Variants in DDX18 observed in about 807,000 individuals in gnomAD.
The protein encoded by DDX18 is ATP-dependent RNA helicase DDX18.
DDX18 carries 23 observed loss-of-function variants against 73.5 expected under a neutral mutation model. That is an observed-to-expected ratio of 0.31 (90% CI 0.23 to 0.44). DDX18 has a LOEUF of 0.44. Among genes scored for constraint, DDX18 ranks in the 20% least tolerant of loss-of-function variants. The probability of loss-of-function intolerance (pLI) is 1.00; values close to 1 mark genes in which losing one functional copy is unlikely to be tolerated. For missense variants in DDX18, 753 were observed against 792.9 expected, an observed-to-expected ratio of 0.95 and a Z score of 0.60; for synonymous variants, 268 against 282.7, an observed-to-expected ratio of 0.95 and a Z score of 0.52.
Position 117,826,373 on chromosome 2 carries a change from A to G in DDX18, c.1626A>G (p.Lys542=). 2 of 1,613,740 alleles carry G rather than the reference A, an allele frequency of 1.2e-6. No homozygotes were observed. Among genetic ancestry groups the G allele is most frequent in the Non-Finnish European group, 1.7e-6 (2 of 1,179,838 alleles). ...AATTGGGTTTTCTTCGCTACTTGAAACAATCCAAGGTAAAGATCTGTACTT... is the reference window on the plus strand; with the variant it reads ...AATTGGGTTTTCTTCGCTACTTGAAGCAATCCAAGGTAAAGATCTGTACTT... ...PEELGFLRYL[K]QSKVPLSEFD... Residue 542 remains lysine, a synonymous_variant, in exon 11 of 14, where the codon AAA becomes AAG. Transcript: ENST00000263239.
chr2:117,819,421 T>A (rs945064473), intron 2 of DDX18, among the ~76,000 whole-genome samples: 1 of 152,218 alleles, frequency 6.6e-6, no homozygotes, highest in South Asian at 2.1e-4. Flanking sequence ...TTATACTGTT[T>A]AGTTGAACAA....
intron 13 of DDX18, 38 bp downstream of exon 13, chr2:117,829,504 G>A: frequency 6.3e-7 from 1 of 1,579,390 alleles, no homozygotes; most frequent in Non-Finnish European, 8.6e-7. Context: ...TGTGACTAAG[G>A]AACAAAAGCT....
chr2:117,821,364 C>G, intron 4 of DDX18, 68 bp downstream of exon 4: 1 of 1,516,608 alleles, frequency 6.6e-7, no homozygotes, highest in Non-Finnish European at 8.9e-7. Context: ...AAAGAACATA[C>G]CAGTATATTC....
chr2:117,832,178 GACAAAA>G lies in DDX18; in HGVS notation c.*1460_*1465del, dbSNP rs1309146681. ...TTTTCAGAAATAATGTTTTTTAAAA[GACAAAA>G]ACAAAGGGAAGAATATTTAATTACT... On this transcript the variant is annotated 3_prime_UTR_variant, in exon 14 of 14. Transcript: ENST00000263239. The G allele has an allele frequency of 1.3e-5, 2 of 151,826 alleles. No individual in the cohort carries two copies. The highest frequency in any genetic ancestry group is 4.8e-5 in the African/African-American group (2 of 41,308). The allele number at this position is 151,826 out of a possible 1,614,324, so 9.4% of individuals were successfully genotyped here. A position where few individuals can be genotyped will look rare whatever the true frequency, so the allele number is the denominator to read the frequency against.
chr2:117,815,756 T>C (rs1385373406), intron 1 of DDX18: 2 of 152,242 alleles, frequency 1.3e-5, no homozygotes, highest in African/African-American at 4.8e-5. Flanking sequence ...TGGTGTTTTA[T>C]CTTTTTCAGT....
At position 117,822,367 on chromosome 2, in the gene DDX18, A is replaced by C. The variant is rs1365224740; in HGVS notation, c.1066+106A>C. 2.0e-5 allele frequency: 16 copies of C among 806,260 alleles called. No individual in the cohort carries two copies. In the South Asian group the frequency reaches 2.1e-4, roughly 10 times the overall value. 49.9% of individuals were successfully genotyped at this position (806,260 alleles called of 1,614,324 possible). On this transcript the variant is annotated intron_variant, in intron 7 of 13. Coordinates refer to ENST00000263239, the MANE Select transcript of DDX18 (RefSeq NM_006773.4). ...TAATGCCAGAACTTTACCATAGCCA[A>C]GTGAGGTAGTTGTGCCAATTAACCC...
chr2:117,818,445 TC>T (rs1322007736), intron 2 of DDX18, among the ~76,000 whole-genome samples: 1 of 152,222 alleles, frequency 6.6e-6, no homozygotes, highest in Non-Finnish European at 1.5e-5. Context: ...AGTTGGAACA[TC>T]CTATTCATGT....
In DDX18 at chr2:117,829,482, A is replaced by G. The variant is rs747166593; in HGVS notation, c.1870+16A>G. The G allele has an allele frequency of 1.9e-6, 3 of 1,600,472 alleles. No homozygotes were observed. Among genetic ancestry groups the G allele is most frequent in the East Asian group, 2.2e-5 (1 of 44,776 alleles). On this transcript the variant is annotated intron_variant, in intron 13 of 13. Coordinates refer to ENST00000263239, the MANE Select transcript of DDX18 (RefSeq NM_006773.4). The stretch of plus-strand genomic sequence containing the variant: ...GTTGATCTGAGTATCCTTTTCTTTA[A>G]TGAAGTTATCCTGTGACTAAGGAAC...
rs528823861 is a variant in DDX18, at chr2:117,824,662, G to C, written c.1160G>C (p.Gly387Ala). 5 of 1,493,880 alleles carry C rather than the reference G, an allele frequency of 3.3e-6. No individual in the cohort carries two copies. In the South Asian group the frequency reaches 7.2e-5, roughly 21 times the overall value. 92.5% of individuals were successfully genotyped at this position (1,493,880 alleles called of 1,614,324 possible). ...ISLKKEPLYV[G>A]VDDDKANATV... ...CTGAAAAAGGAGCCATTGTATGTTG[G>C]CGTTGATGATGATAAAGCGAATGCA... Residue 387 changes from glycine (G) to alanine (A), a missense_variant, in exon 8 of 14, where the codon GGC becomes GCC. By Grantham distance (60) the Gly-to-Ala change is moderately conservative (BLOSUM62 0). This residue lies in a region of DDX18 where 402 missense variants were observed against 419.4 expected (regional missense o/e 0.96). Transcript: ENST00000263239.
chr2:117,824,415 G>C (rs574044794), intron 7 of DDX18, 154 bp from the exon 8 acceptor site: 39 of 665,392 alleles, frequency 5.9e-5, no homozygotes, highest in Admixed American at 4.3e-4. Flanking sequence ...AGTGTTTCAT[G>C]ATATACCCTT....
At chr2:117,824,456 A>G in intron 7 of DDX18, 113 bp from the exon 8 acceptor site, 2 of 1,010,870 alleles carry the variant, frequency 2.0e-6, no homozygotes, top group Non-Finnish European at 2.6e-6. Flanking sequence ...TAGATTCTGT[A>G]GAAACATCAT....
At position 117,830,646 on chromosome 2, in the gene DDX18, A is replaced by C. The variant is rs1481486822; in HGVS notation, c.1935A>C (p.Lys645Asn). 6 of 1,613,896 alleles carry C rather than the reference A, an allele frequency of 3.7e-6. No individual in the cohort carries two copies. The South Asian group carries it at 6.6e-5, about 18-fold the overall frequency. ...GTGGTGGTGGATTTGGCTACCAGAA[A>C]ACCAAGAAAGTTGAGAAATCCAAAA... ...RGGGGGFGYQ[K>N]TKKVEKSKIF... is the part of the protein sequence containing the mutation. Residue 645 changes from lysine to asparagine, a missense_variant, in exon 14 of 14, where the codon AAA (lysine) becomes AAC (asparagine). Around this residue, in one of 3 missense-constraint regions of DDX18, gnomAD observed 402 missense variants for 419.4 expected, o/e 0.96. Coordinates refer to ENST00000263239, the MANE Select transcript of DDX18 (RefSeq NM_006773.4).
chr2:117,830,446 T>C (rs1680002693), intron 13 of DDX18, 136 bp from the exon 14 acceptor site: 2 of 1,095,630 alleles, frequency 1.8e-6, no homozygotes, highest in Non-Finnish European at 2.5e-6. Flanking sequence ...TGCATAGGCT[T>C]ATGTTCCCAC....
intron 9 of DDX18, 135 bp downstream of exon 9, chr2:117,825,236 G>T: frequency 7.8e-7 from 1 of 1,287,018 alleles, no homozygotes; most frequent in African/African-American, 1.5e-5. Context: ...TGGATCCTGT[G>T]TGGGGGAGCG....
At position 117,826,449 on chromosome 2, in the gene DDX18, A is replaced by G. The variant is rs1485564612; in HGVS notation, c.1635+67A>G. 2.7e-6 allele frequency: 4 copies of G among 1,462,500 alleles called. No homozygotes were observed. The South Asian group carries it at 3.6e-5, about 13-fold the overall frequency. 90.6% of individuals were successfully genotyped at this position (1,462,500 alleles called of 1,614,324 possible). The stretch of plus-strand genomic sequence containing the variant: ...GATTGTTAGCAAGCAACATTTCTAC[A>G]TGTGTCAGAGGAGTCTCGAGTCTGG... On this transcript the variant is annotated intron_variant, in intron 11 of 13. Coordinates refer to ENST00000263239, the MANE Select transcript of DDX18 (RefSeq NM_006773.4).
At chr2:117,825,642 A>G in intron 10 of DDX18, 43 bp downstream of exon 10, 1 of 1,599,690 alleles carries the variant, frequency 6.3e-7, no homozygotes, top group Non-Finnish European at 8.6e-7. Flanking sequence ...ACTCTGCATT[A>G]AAAGTTCACT....
chr2:117,825,932 A>G, intron 10 of DDX18: 1 of 383,060 alleles, frequency 2.6e-6, no homozygotes, highest in Non-Finnish European at 4.7e-6. Context: ...AGCTTCATTG[A>G]GAAGTATTTT....
rs778806271 is a variant in DDX18 at position 117,829,374 on chromosome 2, A to G, written c.1778A>G (p.His593Arg). Reference protein sequence around the residue: ...YKSYIRAYDSHSLKQIFNVNN... With the variant: ...YKSYIRAYDSRSLKQIFNVNN... Reference sequence around the variant, plus strand: ...TCATACATACGAGCCTATGATTCCCATTCTCTGAAACAGATCTTTAATGTT... The same window carrying G: ...TCATACATACGAGCCTATGATTCCCGTTCTCTGAAACAGATCTTTAATGTT... The change falls in exon 13 of 14, where the codon CAT becomes CGT. Residue 593 changes from histidine (H) to arginine (R), a missense_variant. By Grantham distance (29) the His-to-Arg change is conservative. Transcript: ENST00000263239. 1.9e-6 allele frequency: 3 copies of G among 1,614,158 alleles called. No individual in the cohort carries two copies. The highest frequency in any genetic ancestry group is 2.5e-6 in the Non-Finnish European group (3 of 1,180,004).
rs761959897 is a variant in DDX18 at position 117,821,234 on chromosome 2, A to C, written c.588A>C (p.Glu196Asp). The C allele has an allele frequency of 1.2e-6, 2 of 1,612,250 alleles. No homozygotes were observed. Among genetic ancestry groups the C allele is most frequent in the Non-Finnish European group, 1.7e-6 (2 of 1,179,258 alleles). Reference sequence around the variant, plus strand: ...AAAACACTCTGAAGGCAATAAAAGAAATGGGTTTTACAAACATGACTGAAA... The same window carrying C: ...AAAACACTCTGAAGGCAATAAAAGACATGGGTTTTACAAACATGACTGAAA... ...VNENTLKAIKEMGFTNMTEIQ... is the reference protein window; with the variant it reads ...VNENTLKAIKDMGFTNMTEIQ... The change falls in exon 4 of 14, where the codon GAA becomes GAC. Residue 196 changes from glutamate to aspartate, a missense_variant. By Grantham distance (45) the Glu-to-Asp change is conservative. Coordinates refer to ENST00000263239, the MANE Select transcript of DDX18 (RefSeq NM_006773.4).
Sources: gnomAD v4.1 joint callset for allele counts (sites outside exome capture counted in the v4.1 genomes callset) on GRCh38, gnomAD v4.1.1 for gene constraint, gnomAD v4.1.1 regional missense constraint, MANE v1.5 for transcripts, NCBI Gene and HGNC (gene_info 2026-07-23, HGNC 2026-07-21) for gene names.